Variants in TNRC6B observed in about 807,000 individuals in gnomAD.
The protein encoded by TNRC6B is trinucleotide repeat-containing gene 6B protein.
In TNRC6B, 52 loss-of-function variants were observed where a neutral mutation model predicts 203.6. That is an observed-to-expected ratio of 0.26 (90% CI 0.20 to 0.32). The LOEUF is 0.32. Ranked by LOEUF, TNRC6B falls within the 10% of genes least tolerant of loss-of-function variation. TNRC6B has a pLI of 1.00. For synonymous variants in TNRC6B, 838 were observed against 845.7 expected (o/e 0.99, Z 0.16); for missense variants, 1,923 against 2,286.2 (o/e 0.84, Z 3.24).
intron 1 of TNRC6B, among the ~76,000 whole-genome samples, chr22:40,075,728 C>G (rs1029953599): frequency 2.0e-5 from 3 of 151,952 alleles, no homozygotes; most frequent in African/African-American, 7.2e-5. Flanking sequence ...TTTTTGATTA[C>G]TTTTTTACTA....
At chr22:40,252,778 A>G (rs1053870524) in intron 3 of TNRC6B, among the ~76,000 whole-genome samples, 2 of 152,196 alleles carry the variant, frequency 1.3e-5, no homozygotes, top group Non-Finnish European at 2.9e-5. Context: ...TTTACCATAG[A>G]AATAGTGTTA....
rs2146595346 is a variant in TNRC6B at position 40,332,793 on chromosome 22, A to G, written c.*9552A>G. On this transcript the variant is annotated 3_prime_UTR_variant, in exon 23 of 23. Transcript: ENST00000454349. ...CTCTCCTTTCTGACATCAGTGGATT[A>G]TCCTTTTTAAAATATGAACATGTAA... The G allele has an allele frequency of 6.5e-6, 1 of 152,798 alleles. No homozygotes were observed. Among genetic ancestry groups the G allele is most frequent in the Non-Finnish European group, 1.5e-5 (1 of 68,032 alleles). 9.5% of individuals were successfully genotyped at this position (152,798 alleles called of 1,614,324 possible).
At chr22:40,268,279 T>G (rs566963971) in intron 5 of TNRC6B, among the ~76,000 whole-genome samples, 1 of 152,076 alleles carries the variant, frequency 6.6e-6, no homozygotes, top group Non-Finnish European at 1.5e-5. Flanking sequence ...AGAGACAGGA[T>G]TTCACCATGT....
intron 11 of TNRC6B, among the ~76,000 whole-genome samples, chr22:40,285,428 C>A (rs2070767601): frequency 1.3e-5 from 2 of 152,194 alleles, no homozygotes; most frequent in Admixed American, 6.5e-5. Flanking sequence ...TGAACCCTTT[C>A]CGTTTATAGA....
chr22:40,094,892 A>G (rs1429628637), intron 1 of TNRC6B, among the ~76,000 whole-genome samples: 1 of 152,074 alleles, frequency 6.6e-6, no homozygotes, highest in Admixed American at 6.6e-5. Flanking sequence ...GATTTTTGCT[A>G]ATTTCGTATG....
chr22:40,131,497 G>A (rs1172745029), intron 3 of TNRC6B, among the ~76,000 whole-genome samples: 1 of 151,490 alleles, frequency 6.6e-6, no homozygotes, highest in East Asian at 1.9e-4. Flanking sequence ...CCTGAATTAT[G>A]CACAAGCATA....
intron 1 of TNRC6B, among the ~76,000 whole-genome samples, chr22:40,236,096 T>A (rs2069943863): frequency 6.6e-6 from 1 of 152,258 alleles, no homozygotes; most frequent in Non-Finnish European, 1.5e-5. Context: ...CAGATTTTGA[T>A]ACGATCTGCC....
chr22:40,051,927 T>G (rs540932276), intron 1 of TNRC6B, among the ~76,000 whole-genome samples: 12 of 152,332 alleles, frequency 7.9e-5, no homozygotes, highest in African/African-American at 2.4e-4. Context: ...TGGAGTGTAT[T>G]TTTCGCTCAT....
At chr22:40,230,009 A>T (rs2069844947) in intron 1 of TNRC6B, among the ~76,000 whole-genome samples, 1 of 152,154 alleles carries the variant, frequency 6.6e-6, no homozygotes, top group East Asian at 1.9e-4. Flanking sequence ...TAGTAGGTGT[A>T]TGTTTAGCTT....
chr22:40,127,045 C>T (rs1444417750), intron 3 of TNRC6B, among the ~76,000 whole-genome samples: 3 of 148,004 alleles, frequency 2.0e-5, no homozygotes, highest in African/African-American at 5.0e-5. Context: ...ATATATTAAT[C>T]CTATATATAA....
In TNRC6B at chr22:40,188,619, C is replaced by T. The variant is rs182740839; in HGVS notation, c.5+10479C>T. On this transcript the variant is annotated intron_variant, in intron 1 of 22. Transcript: ENST00000454349. Reference sequence around the variant, plus strand: ...GTGATCAGTTGCTGCCTCTTCTTGCCGTTGTTTCCTTTACCCCTCTGCTTA... The same window carrying T: ...GTGATCAGTTGCTGCCTCTTCTTGCTGTTGTTTCCTTTACCCCTCTGCTTA... 4.1e-4 allele frequency among the ~76,000 whole-genome samples: 63 copies of T among 152,218 alleles called. 1 individual carries two copies. In the East Asian group the frequency reaches 9.8e-3, roughly 24 times the overall value.
At chr22:40,191,628 CTGGAGTGCAATAG>C (rs2069274859) in intron 1 of TNRC6B, among the ~76,000 whole-genome samples, 1 of 152,214 alleles carries the variant, frequency 6.6e-6, no homozygotes, top group Non-Finnish European at 1.5e-5. Context: ...GTCATCCAGG[CTGGAGTGCAATAG>C]TGTGATCATA....
intron 3 of TNRC6B, among the ~76,000 whole-genome samples, chr22:40,256,060 G>A (rs2070272458): frequency 6.6e-6 from 1 of 152,182 alleles, no homozygotes; most frequent in African/African-American, 2.4e-5. Context: ...CACTGTGTTA[G>A]CCAGGAATTG....
chr22:40,106,733 A>G (rs1359402806), intron 1 of TNRC6B: 2 of 766,162 alleles, frequency 2.6e-6, no homozygotes, highest in Non-Finnish European at 4.8e-6. Context: ...AAGGCGAAGA[A>G]GCTGCAACAC....
chr22:40,259,322 T>C (rs766605310), intron 3 of TNRC6B, among the ~76,000 whole-genome samples: 42 of 152,030 alleles, frequency 2.8e-4, no homozygotes, highest in Non-Finnish European at 5.7e-4. Flanking sequence ...CTTCCCAGGT[T>C]CAAGCAATTC....
intron 1 of TNRC6B, among the ~76,000 whole-genome samples, chr22:40,049,660 G>C (rs2067728990): frequency 6.6e-6 from 1 of 151,864 alleles, no homozygotes; most frequent in Non-Finnish European, 1.5e-5. Flanking sequence ...CTAGAGTGCA[G>C]TGGTGTGATT....
intron 1 of TNRC6B, among the ~76,000 whole-genome samples, chr22:40,226,335 C>T (rs1362932040): frequency 6.6e-6 from 1 of 151,890 alleles, no homozygotes; most frequent in Non-Finnish European, 1.5e-5. Context: ...TTTTTCAATA[C>T]CAAGATAAGT....
At chr22:40,233,907 A>G (rs548748367) in intron 1 of TNRC6B, among the ~76,000 whole-genome samples, 1 of 152,282 alleles carries the variant, frequency 6.6e-6, no homozygotes, top group African/African-American at 2.4e-5. Flanking sequence ...TTGCCTGCAC[A>G]TGCACAGATT....
intron 1 of TNRC6B, among the ~76,000 whole-genome samples, chr22:40,050,655 C>T (rs1343325190): frequency 6.6e-6 from 1 of 152,096 alleles, no homozygotes; most frequent in African/African-American, 2.4e-5. Flanking sequence ...GCTGTCACCA[C>T]AATTCATGAT....
Sources: allele counts gnomAD v4.1 joint callset (sites outside exome capture counted in the v4.1 genomes callset), GRCh38; gene constraint gnomAD v4.1.1; transcripts MANE v1.5; gene names NCBI Gene and HGNC (gene_info 2026-07-23, HGNC 2026-07-21).